The following KIAA0319L variants were observed in gnomAD, a reference collection of about 807,000 sequenced individuals.
KIAA0319L encodes the protein dyslexia-associated protein KIAA0319-like protein.
KIAA0319L carries 55 observed loss-of-function variants against 120.1 expected under a neutral mutation model. That is an observed-to-expected ratio of 0.46 (90% CI 0.37 to 0.57). The LOEUF is 0.57. Ranked by LOEUF, KIAA0319L falls within the 20% of genes least tolerant of loss-of-function variation. The probability of loss-of-function intolerance (pLI) is 0.00; values close to 1 mark genes in which losing one functional copy is unlikely to be tolerated. For missense variants in KIAA0319L, 1,049 were observed against 1,255.3 expected (o/e 0.84, Z 2.48); for synonymous variants, 398 against 471.9 (o/e 0.84, Z 2.03).
At position 35,460,312 on chromosome 1, in the gene KIAA0319L, T is replaced by TGTA; in HGVS notation, c.1417_1419dup (p.Tyr473dup). The stretch of plus-strand genomic sequence containing the variant: ...AGCTGAATCCTAATTTACCTGAAAG[T>TGTA]GTAGTTCCCAGGGACGAGTTTACTT... On this transcript the variant is annotated inframe_insertion, in exon 9 of 21. Coordinates refer to ENST00000325722, the MANE Select transcript of KIAA0319L (RefSeq NM_024874.5). 6.2e-7 allele frequency: 1 copy of TGTA among 1,611,366 alleles called. No individual in the cohort carries two copies. Among genetic ancestry groups the TGTA allele is most frequent in the Non-Finnish European group, 8.5e-7 (1 of 1,179,166 alleles).
intron 3 of KIAA0319L, among the ~76,000 whole-genome samples, chr1:35,502,884 A>G (rs1322316550): frequency 6.6e-6 from 1 of 152,190 alleles, no homozygotes; most frequent in East Asian, 1.9e-4. Flanking sequence ...TACCTAGCAA[A>G]GTTCCTATCT....
At chr1:35,475,578 C>T (rs1488732793) in intron 4 of KIAA0319L, among the ~76,000 whole-genome samples, 3 of 151,902 alleles carry the variant, frequency 2.0e-5, no homozygotes, top group African/African-American at 7.3e-5. Context: ...TGGGCTCAAG[C>T]GATCTTCCCA....
At chr1:35,459,962 AG>A (rs1642772817) in intron 9 of KIAA0319L, among the ~76,000 whole-genome samples, 1 of 152,222 alleles carries the variant, frequency 6.6e-6, no homozygotes. Flanking sequence ...AAATGAGAGT[AG>A]GTCTTTCAGA....
chr1:35,473,873 G>T (rs917105), intron 5 of KIAA0319L, among the ~76,000 whole-genome samples: 1 of 151,942 alleles, frequency 6.6e-6, no homozygotes, highest in East Asian at 1.9e-4. Context: ...AAACCCAACT[G>T]GCTCAATTTC....
At chr1:35,450,570 A>T in intron 13 of KIAA0319L, 61 bp from the exon 14 acceptor site, 1 of 1,479,372 alleles carries the variant, frequency 6.8e-7, no homozygotes, top group Non-Finnish European at 9.4e-7. Flanking sequence ...ATGTTTCTTC[A>T]TGATGCTTAT....
intron 2 of KIAA0319L, among the ~76,000 whole-genome samples, chr1:35,514,783 A>G (rs1296783656): frequency 9.9e-5 from 15 of 152,230 alleles, no homozygotes; most frequent in Non-Finnish European, 1.5e-5. Context: ...CTCCCACACA[A>G]TAACAGTGGG....
rs1259540418 is a variant in KIAA0319L, at chr1:35,456,193, G to T, written c.1476C>A (p.Asn492Lys). Residue 492 changes from asparagine (N) to lysine (K), a missense_variant, in exon 10 of 21, where the codon AAC becomes AAA. Asn to Lys is a moderately conservative substitution (Grantham distance 94). Transcript: ENST00000325722. ...AATCCACAGCTTTGTTCACTGTCAGGTTTGCAGTAGTAGAGTTGGTAGCTC... is the reference window on the plus strand; with the variant it reads ...AATCCACAGCTTTGTTCACTGTCAGTTTTGCAGTAGTAGAGTTGGTAGCTC... ...SDGATNSTTA[N>K]LTVNKAVDYP... 1 of 1,610,736 alleles carries T rather than the reference G, an allele frequency of 6.2e-7. No individual in the cohort carries two copies. Among genetic ancestry groups the T allele is most frequent in the Admixed American group, 1.7e-5 (1 of 59,836 alleles).
At chr1:35,542,699 ATAGTTCTTGAC>A (rs1277597810) in intron 2 of KIAA0319L, among the ~76,000 whole-genome samples, 1 of 152,240 alleles carries the variant, frequency 6.6e-6, no homozygotes, top group Non-Finnish European at 1.5e-5. Context: ...AACCACACAC[ATAGTTCTTGAC>A]TATGTTCCTG....
intron 3 of KIAA0319L, among the ~76,000 whole-genome samples, chr1:35,486,376 G>GAAAAA (rs899924972): frequency 8.7e-4 from 45 of 52,018 alleles, no homozygotes; most frequent in African/African-American, 2.2e-3. Context: ...CCTGTCTCAA[G>GAAAAA]AAAAAAAAAA....
intron 14 of KIAA0319L, 63 bp downstream of exon 14, chr1:35,450,295 T>TG: frequency 6.6e-7 from 1 of 1,513,276 alleles, no homozygotes; most frequent in South Asian, 1.2e-5. Context: ...AAGCATATAC[T>TG]GGAACGCGTG....
At chr1:35,435,214 A>G in intron 20 of KIAA0319L, 133 bp from the exon 21 acceptor site, 1 of 778,626 alleles carries the variant, frequency 1.3e-6, no homozygotes, top group Non-Finnish European at 2.1e-6. Flanking sequence ...GGAGGTGCAG[A>G]TGGGAAGGAA....
intron 13 of KIAA0319L, among the ~76,000 whole-genome samples, chr1:35,451,313 A>T (rs578090769): frequency 6.6e-6 from 1 of 152,172 alleles, no homozygotes; most frequent in South Asian, 2.1e-4. Context: ...ATAAAAATGC[A>T]AAGAATAGAA....
rs1163145495 is a variant in KIAA0319L, at chr1:35,433,911, C to A, written c.*983G>T. The A allele has an allele frequency of 2.0e-5, 3 of 152,284 alleles. No homozygotes were observed. Among genetic ancestry groups the A allele is most frequent in the Admixed American group, 6.5e-5 (1 of 15,274 alleles). The allele number at this position is 152,284 out of a possible 1,614,324, so 9.4% of individuals were successfully genotyped here. ...GGCCTAAGCCCCGAAGCAGCAGGTGCCGGTCAGATGGAGAGGAGGGAGGCC... is the reference window on the plus strand; with the variant it reads ...GGCCTAAGCCCCGAAGCAGCAGGTGACGGTCAGATGGAGAGGAGGGAGGCC... On this transcript the variant is annotated 3_prime_UTR_variant, in exon 21 of 21. Transcript: ENST00000325722.
chr1:35,473,870 A>G (rs761633076), intron 5 of KIAA0319L, among the ~76,000 whole-genome samples: 15 of 152,178 alleles, frequency 9.9e-5, no homozygotes, highest in Non-Finnish European at 2.1e-4. Flanking sequence ...CATAAACCCA[A>G]CTGGCTCAAT....
chr1:35,474,817 C>T lies in KIAA0319L; in HGVS notation c.1003G>A (p.Glu335Lys). ...EVQLNAYVLQ[E>K]PPKGETYTYD... ...AGGGGATGTTTACCTTTAGGTGGTT[C>T]TTGGAGAACATATGCATTTAATTGA... is the stretch of plus-strand genomic sequence containing the variant. The change falls in exon 5 of 21, where the codon GAA becomes AAA. Residue 335 changes from glutamate (E) to lysine (K), a missense_variant. Transcript: ENST00000325722. 1 of 1,598,436 alleles carries T rather than the reference C, an allele frequency of 6.3e-7. No individual in the cohort carries two copies. The highest frequency in any genetic ancestry group is 1.1e-5 in the South Asian group (1 of 90,532).
intron 3 of KIAA0319L, among the ~76,000 whole-genome samples, chr1:35,484,027 A>T (rs182468640): frequency 6.6e-6 from 1 of 152,262 alleles, no homozygotes; most frequent in East Asian, 1.9e-4. Flanking sequence ...ACCAGTCATT[A>T]TATTAAGGGC....
At chr1:35,479,278 G>A in intron 3 of KIAA0319L, 66 bp from the exon 4 acceptor site, 2 of 1,308,644 alleles carry the variant, frequency 1.5e-6, no homozygotes, top group Non-Finnish European at 2.1e-6. Flanking sequence ...TATGTCTCAT[G>A]AAACAATAGT....
chr1:35,523,170 C>T (rs1293682980), intron 2 of KIAA0319L, among the ~76,000 whole-genome samples: 1 of 152,024 alleles, frequency 6.6e-6, no homozygotes, highest in Non-Finnish European at 1.5e-5. Flanking sequence ...TTTACTGTGC[C>T]TTTGACATGC....
At chr1:35,464,706 G>A (rs936316415) in intron 7 of KIAA0319L, among the ~76,000 whole-genome samples, 2 of 152,200 alleles carry the variant, frequency 1.3e-5, no homozygotes, top group African/African-American at 4.8e-5. Flanking sequence ...ATGTGAGAGG[G>A]CTTCATAGCA....
Sources: gnomAD v4.1 joint callset for allele counts (sites outside exome capture counted in the v4.1 genomes callset) on GRCh38, gnomAD v4.1.1 for gene constraint, MANE v1.5 for transcripts, NCBI Gene and HGNC (gene_info 2026-07-23, HGNC 2026-07-21) for gene names.